The following SRL variants were observed in gnomAD, a reference collection of about 807,000 sequenced individuals.
SRL encodes sarcalumenin.
SRL carries 23 observed loss-of-function variants against 39.5 expected under a neutral mutation model. That is an observed-to-expected ratio of 0.58 (90% CI 0.42 to 0.82). The LOEUF (loss-of-function observed/expected upper bound fraction) is 0.82, where lower values mean the gene tolerates loss of function less well. Among genes scored for constraint, SRL ranks in the 40% least tolerant of loss-of-function variants. The pLI is 0.00. For missense variants in SRL, 592 were observed against 607.8 expected (o/e 0.97, Z 0.27); for synonymous variants, 272 against 237.4 (o/e 1.15, Z -1.34).
intron 3 of SRL, among the ~76,000 whole-genome samples, chr16:4,199,885 T>C (rs1157293340): frequency 2.6e-5 from 4 of 151,876 alleles, no homozygotes; most frequent in South Asian, 2.1e-4. Context: ...TTAGTAGAGA[T>C]GGGGTTTTAC....
chr16:4,220,493 T>C (rs1293965409), intron 1 of SRL, among the ~76,000 whole-genome samples: 1 of 151,692 alleles, frequency 6.6e-6, no homozygotes, highest in East Asian at 1.9e-4. Flanking sequence ...GGAGCAGCCT[T>C]GCTAGAGCCT....
chr16:4,221,229 T>TA (rs2052527155), intron 1 of SRL, among the ~76,000 whole-genome samples: 1 of 152,066 alleles, frequency 6.6e-6, no homozygotes, highest in African/African-American at 2.4e-5. Context: ...TTTGTATTTT[T>TA]AGTAGAGATG....
intron 1 of SRL, among the ~76,000 whole-genome samples, chr16:4,239,335 A>T (rs1026014560): frequency 6.6e-6 from 1 of 152,194 alleles, no homozygotes; most frequent in Non-Finnish European, 1.5e-5. Flanking sequence ...GGGTGGGGCC[A>T]GGGCAGATGG....
intron 1 of SRL, among the ~76,000 whole-genome samples, chr16:4,214,222 C>G (rs11640587): frequency 0.69 from 104,509 of 152,136 alleles, 37,926 homozygotes; most frequent in African/African-American, 0.93. Flanking sequence ...TGCCTTCGTG[C>G]AATCAAATGT....
At chr16:4,203,508 T>A (rs1416689446) in intron 2 of SRL, among the ~76,000 whole-genome samples, 2 of 152,050 alleles carry the variant, frequency 1.3e-5, no homozygotes, top group Non-Finnish European at 2.9e-5. Context: ...AACTGTTTGG[T>A]TATTTTATTT....
chr16:4,234,348 C>T (rs1205955675), intron 1 of SRL, among the ~76,000 whole-genome samples: 1 of 152,160 alleles, frequency 6.6e-6, no homozygotes, highest in African/African-American at 2.4e-5. Context: ...TTGGTGCTTT[C>T]ATTCTGATTC....
chr16:4,233,072 G>C (rs143643247), intron 1 of SRL, among the ~76,000 whole-genome samples: 3 of 152,368 alleles, frequency 2.0e-5, no homozygotes, highest in Non-Finnish European at 2.9e-5. Flanking sequence ...ATCTGAGAGA[G>C]CGGGGAATAG....
chr16:4,218,353 G>T (rs1210214719), intron 1 of SRL, among the ~76,000 whole-genome samples: 2 of 152,166 alleles, frequency 1.3e-5, no homozygotes, highest in African/African-American at 4.8e-5. Flanking sequence ...GCCCTTCAAA[G>T]CTCTCTGAAA....
Position 4,207,548 on chromosome 16 carries a change from C to T in SRL, c.62-2914G>A, listed in dbSNP as rs61737880. ...CTGAGTGAGGAGAGGCCCCCTCTGC[C>T]TTTGGCTCTGCTGTCCCTGCTACTG... On this transcript the variant is annotated intron_variant, in intron 1 of 5. Coordinates refer to ENST00000399609, the MANE Select transcript of SRL (RefSeq NM_001098814.2). 3,446 of 455,690 alleles carry T rather than the reference C, an allele frequency of 7.6e-3. 102 individuals carry two copies. Among genetic ancestry groups the T allele is most frequent in the African/African-American group, 0.059 (2,981 of 50,204 alleles). 28.2% of individuals were successfully genotyped at this position (455,690 alleles called of 1,614,324 possible).
At chr16:4,238,917 G>A (rs966524819) in intron 1 of SRL, among the ~76,000 whole-genome samples, 4 of 151,996 alleles carry the variant, frequency 2.6e-5, no homozygotes, top group Non-Finnish European at 4.4e-5. Flanking sequence ...CACTGTGTCC[G>A]ACCACCGTGT....
At chr16:4,202,319 A>T (rs975499569) in intron 3 of SRL, among the ~76,000 whole-genome samples, 3 of 152,090 alleles carry the variant, frequency 2.0e-5, no homozygotes, top group Non-Finnish European at 1.5e-5. Flanking sequence ...GTCGGCTGGG[A>T]GCGGTGGCTC....
At position 4,218,968 on chromosome 16, in the gene SRL, G is replaced by C. The variant is rs573603703; in HGVS notation, c.62-14334C>G. Among the ~76,000 whole-genome samples, 9 of 152,388 alleles carry C rather than the reference G, an allele frequency of 5.9e-5. 1 individual carries two copies. In the South Asian group the frequency reaches 1.7e-3, roughly 28 times the overall value. ...CCAGATTTTTCAACCTTCTTTCCCA[G>C]AGGGTGTCACCGAATCCATGACAGA... On this transcript the variant is annotated intron_variant, in intron 1 of 5. Transcript: ENST00000399609.
intron 3 of SRL, among the ~76,000 whole-genome samples, chr16:4,198,515 T>G (rs892827598): frequency 6.6e-6 from 1 of 152,080 alleles, no homozygotes; most frequent in African/African-American, 2.4e-5. Flanking sequence ...GTGGTGCAAT[T>G]GTGCCCCACT....
chr16:4,230,018 C>A, intron 1 of SRL, among the ~76,000 whole-genome samples: 1 of 152,080 alleles, frequency 6.6e-6, no homozygotes. Flanking sequence ...AGGACCCAGA[C>A]CTCCATCCCT....
At chr16:4,232,846 C>G (rs1024434131) in intron 1 of SRL, among the ~76,000 whole-genome samples, 1 of 152,160 alleles carries the variant, frequency 6.6e-6, no homozygotes, top group African/African-American at 2.4e-5. Context: ...CTGAGCTGGC[C>G]TAGGTCCTAG....
At position 4,189,387 on chromosome 16, in the gene SRL, G is replaced by T. The variant is rs970059490; in HGVS notation, c.*2766C>A. 6.6e-5 allele frequency: 10 copies of T among 152,182 alleles called. No homozygotes were observed. The highest frequency in any genetic ancestry group is 2.4e-4 in the African/African-American group (10 of 41,416). 9.4% of individuals were successfully genotyped at this position (152,182 alleles called of 1,614,324 possible). On this transcript the variant is annotated 3_prime_UTR_variant, in exon 6 of 6. Coordinates refer to ENST00000399609, the MANE Select transcript of SRL (RefSeq NM_001098814.2). The stretch of plus-strand genomic sequence containing the variant: ...AAGCACGCGGTGTTAAAGAGAGATC[G>T]GAACTTTATTGAGACTGATGAAATC...
chr16:4,218,701 A>C (rs1053890692), intron 1 of SRL, among the ~76,000 whole-genome samples: 1 of 152,236 alleles, frequency 6.6e-6, no homozygotes, highest in Non-Finnish European at 1.5e-5. Context: ...CCACACCCAG[A>C]GTGCCAGACA....
intron 1 of SRL, among the ~76,000 whole-genome samples, chr16:4,224,359 G>A (rs1012137031): frequency 6.6e-6 from 1 of 152,082 alleles, no homozygotes; most frequent in African/African-American, 2.4e-5. Flanking sequence ...CACACAGTGG[G>A]AGGAATTCTG....
intron 1 of SRL, among the ~76,000 whole-genome samples, chr16:4,233,899 A>T (rs1302859445): frequency 6.7e-6 from 1 of 150,254 alleles, no homozygotes; most frequent in South Asian, 2.1e-4. Context: ...CTAAAGGGGG[A>T]CTCCCTTTAG....
Sources: gnomAD v4.1 joint callset for allele counts (sites outside exome capture counted in the v4.1 genomes callset) on GRCh38, gnomAD v4.1.1 for gene constraint, MANE v1.5 for transcripts, NCBI Gene and HGNC (gene_info 2026-07-23, HGNC 2026-07-21) for gene names.